The following PCNX1 variants were observed in gnomAD, a reference collection of about 807,000 sequenced individuals.
PCNX1 encodes pecanex 1, also known as pecanex-like protein 1.
A neutral mutation model predicts 242.2 loss-of-function variants in PCNX1; 78 were observed. The observed-to-expected ratio is 0.32, with a 90% CI of 0.27 to 0.39. PCNX1 has a LOEUF of 0.39. Among genes scored for constraint, PCNX1 ranks in the 10% least tolerant of loss-of-function variants. The pLI, the probability that PCNX1 is intolerant of heterozygous loss-of-function variation, is 1.00. For missense variants in PCNX1, 2,581 were observed against 2,856.5 expected (o/e 0.90, Z 2.20); for synonymous variants, 1,024 against 1,032.9 (o/e 0.99, Z 0.17).
chr14:70,976,076 T>A (rs574766835), intron 5 of PCNX1, among the ~76,000 whole-genome samples: 43 of 152,250 alleles, frequency 2.8e-4, no homozygotes, highest in Admixed American at 5.9e-4. Context: ...TAGGTTTTCT[T>A]GATTTGTGAA....
At chr14:70,994,378 T>C (rs1462308979) in intron 7 of PCNX1, among the ~76,000 whole-genome samples, 1 of 137,896 alleles carries the variant, frequency 7.3e-6, no homozygotes, top group Non-Finnish European at 1.6e-5. Flanking sequence ...TATTCTATTA[T>C]CATAACCACA....
chr14:71,001,798 C>T (rs983348927), intron 8 of PCNX1, among the ~76,000 whole-genome samples: 6 of 152,194 alleles, frequency 3.9e-5, no homozygotes. Context: ...CTCATGAGAA[C>T]CATTGGGAGT....
chr14:71,019,012 T>C lies in PCNX1; in HGVS notation c.3000T>C (p.Asn1000=). 6.2e-7 allele frequency: 1 copy of C among 1,610,318 alleles called. No homozygotes were observed. The highest frequency in any genetic ancestry group is 8.5e-7 in the Non-Finnish European group (1 of 1,178,474). ...RLTLLALFDR[N]REILENVLAV... ...CCATAAGTTTTTCTGTCCGTAGAAA[T>C]CGTGAGATCCTGGAAAATGTGTTAG... Residue 1000 remains asparagine, a synonymous_variant, in exon 12 of 36, where the codon AAT becomes AAC. Transcript: ENST00000304743.
intron 2 of PCNX1, among the ~76,000 whole-genome samples, chr14:70,949,524 T>G (rs973002929): frequency 6.6e-6 from 1 of 152,116 alleles, no homozygotes; most frequent in African/African-American, 2.4e-5. Context: ...TTGACATTTA[T>G]AAGTAGTATA....
At chr14:71,088,162 C>T (rs1485855528) in intron 28 of PCNX1, among the ~76,000 whole-genome samples, 168 bp from the exon 29 acceptor site, 1 of 152,008 alleles carries the variant, frequency 6.6e-6, no homozygotes, top group African/African-American at 2.4e-5. Context: ...AAGAAACTCC[C>T]CATACACATT....
Position 70,999,786 on chromosome 14 carries a change from A to C in PCNX1, c.2629+3861A>C, listed in dbSNP as rs79876701. On this transcript the variant is annotated intron_variant, in intron 8 of 35. Transcript: ENST00000304743. ...TAATTTGGAAGCTTTTAGATTTTCT[A>C]CTTTAAAAAGCAGAGACTCAGGTGA... is the stretch of plus-strand genomic sequence containing the variant. Among the ~76,000 whole-genome samples, 4 of 152,278 alleles carry C rather than the reference A, an allele frequency of 2.6e-5. No homozygotes were observed. The East Asian group carries it at 7.7e-4, about 29-fold the overall frequency.
At chr14:70,917,449 G>C (rs1353901819) in intron 1 of PCNX1, among the ~76,000 whole-genome samples, 2 of 152,214 alleles carry the variant, frequency 1.3e-5, no homozygotes. Flanking sequence ...TAGCAGGCAT[G>C]AAAACAACAT....
At chr14:71,073,861 ATAAGTATATATATATG>A in intron 27 of PCNX1, 63 bp downstream of exon 27, 1 of 1,210,610 alleles carries the variant, frequency 8.3e-7, no homozygotes, top group South Asian at 1.8e-5. Context: ...AATGACATAT[ATAAGTATATATATATG>A]TATATACTTT....
chr14:71,002,301 T>TTGC (rs1258738538), intron 8 of PCNX1, among the ~76,000 whole-genome samples: 2 of 152,220 alleles, frequency 1.3e-5, no homozygotes, highest in African/African-American at 4.8e-5. Context: ...CACTGACTGT[T>TTGC]TGCTGCTACA....
At chr14:71,005,343 A>G (rs2059623116) in intron 8 of PCNX1, among the ~76,000 whole-genome samples, 1 of 151,978 alleles carries the variant, frequency 6.6e-6, no homozygotes. Flanking sequence ...CATCTCTACA[A>G]AAAAGTTTTA....
chr14:70,930,949 T>G (rs2056774425), intron 1 of PCNX1, among the ~76,000 whole-genome samples: 1 of 152,204 alleles, frequency 6.6e-6, no homozygotes, highest in Non-Finnish European at 1.5e-5. Context: ...TGGCCATTGA[T>G]ATCAGGGCCT....
chr14:71,099,120 A>G (rs1390253910), intron 30 of PCNX1, among the ~76,000 whole-genome samples: 4 of 148,424 alleles, frequency 2.7e-5, no homozygotes, highest in Admixed American at 2.7e-4. Flanking sequence ...TTCCATTTTT[A>G]TTCCACTGTG....
chr14:71,030,487 C>G (rs886910252), intron 16 of PCNX1, among the ~76,000 whole-genome samples: 2 of 152,100 alleles, frequency 1.3e-5, no homozygotes, highest in Admixed American at 1.3e-4. Context: ...TCCTTGCCCA[C>G]GTTTCCCTTC....
chr14:71,021,321 G>T (rs1445178405), intron 12 of PCNX1, among the ~76,000 whole-genome samples: 1 of 152,028 alleles, frequency 6.6e-6, no homozygotes. Context: ...CTTGCTAGGG[G>T]TTGCATTGAG....
At chr14:70,908,102 CG>C (rs1486026273) in intron 1 of PCNX1, 99 bp downstream of exon 1, 29 of 1,158,694 alleles carry the variant, frequency 2.5e-5, no homozygotes, top group Middle Eastern at 3.1e-4. Context: ...TCTCGTCCCC[CG>C]GGGGCCGCCA....
At chr14:70,983,259 A>G (rs1420047521) in intron 6 of PCNX1, among the ~76,000 whole-genome samples, 1 of 152,202 alleles carries the variant, frequency 6.6e-6, no homozygotes, top group Non-Finnish European at 1.5e-5. Context: ...CTTGTGGAAA[A>G]TATCAGTAAG....
chr14:70,967,119 A>T (rs943714788), intron 3 of PCNX1, among the ~76,000 whole-genome samples: 3 of 152,234 alleles, frequency 2.0e-5, no homozygotes, highest in Non-Finnish European at 4.4e-5. Flanking sequence ...TGTAACTTAC[A>T]CAGCGTAGTG....
chr14:71,047,169 T>G, intron 21 of PCNX1, 64 bp downstream of exon 21: 1 of 969,766 alleles, frequency 1.0e-6, no homozygotes. Flanking sequence ...ATGTCTTAAG[T>G]TGTTGATCAA....
chr14:71,109,626 C>T, intron 35 of PCNX1, 34 bp downstream of exon 35: 1 of 1,612,576 alleles, frequency 6.2e-7, no homozygotes, highest in African/African-American at 1.3e-5. Flanking sequence ...GTCTGGGGCT[C>T]TGCCTTTTTT....
Sources: allele counts gnomAD v4.1 joint callset (sites outside exome capture counted in the v4.1 genomes callset), GRCh38; gene constraint gnomAD v4.1.1; transcripts MANE v1.5; gene names NCBI Gene and HGNC (gene_info 2026-07-23, HGNC 2026-07-21).